STUM: variants seen among roughly 807,000 people sequenced by gnomAD.
The protein encoded by STUM is stum, mechanosensory transduction mediator homolog.
A neutral mutation model predicts 15.3 loss-of-function variants in STUM; 8 were observed. The observed-to-expected ratio is 0.52, with a 90% CI of 0.31 to 0.94. The LOEUF (loss-of-function observed/expected upper bound fraction) is 0.94. Ranked by LOEUF, STUM falls within the 40% of genes least tolerant of loss-of-function variation. STUM has a pLI of 0.05. For missense variants in STUM, 142 were observed against 204.9 expected (o/e 0.69, Z 1.87); for synonymous variants, 78 against 88.7 (o/e 0.88, Z 0.68).
At position 226,549,136 on chromosome 1, in the gene STUM, C is replaced by A; in HGVS notation, c.202+30C>A. The A allele has an allele frequency of 6.5e-7, 1 of 1,547,834 alleles. No individual in the cohort carries two copies. The highest frequency in any genetic ancestry group is 8.7e-7 in the Non-Finnish European group (1 of 1,145,094). ...GACACGGCTGCCGCGACCCTTGCGACCCCCACCCCGCCGCGGGAGGGCGTG... is the reference window on the plus strand; with the variant it reads ...GACACGGCTGCCGCGACCCTTGCGAACCCCACCCCGCCGCGGGAGGGCGTG... On this transcript the variant is annotated intron_variant, in intron 1 of 3. Coordinates refer to ENST00000366788, the MANE Select transcript of STUM (RefSeq NM_001003665.4). This position sits in a 1 kb window ranked among gnomAD's most constrained non-coding sequence, Gnocchi z 6.8.
chr1:226,583,394 T>C (rs563733433), intron 1 of STUM, among the ~76,000 whole-genome samples: 5 of 152,310 alleles, frequency 3.3e-5, no homozygotes, highest in African/African-American at 1.2e-4. Flanking sequence ...TGAGGAAATA[T>C]GGTAAAATGC....
intron 1 of STUM, among the ~76,000 whole-genome samples, chr1:226,592,155 CT>C (rs1243223366): frequency 6.6e-6 from 1 of 152,222 alleles, no homozygotes; most frequent in Non-Finnish European, 1.5e-5. Flanking sequence ...TCAAACGATT[CT>C]TCTGCCTCAG....
In STUM at chr1:226,600,679, G is replaced by T; in HGVS notation, c.391+5G>T. 1 of 1,610,830 alleles carries T rather than the reference G, an allele frequency of 6.2e-7. No individual in the cohort carries two copies. Among genetic ancestry groups the T allele is most frequent in the Non-Finnish European group, 8.5e-7 (1 of 1,180,012 alleles). On this transcript the variant is annotated splice_donor_5th_base_variant and intron_variant, in intron 3 of 3. Transcript: ENST00000366788. The surrounding 1 kb of genome is among the most constrained non-coding windows in gnomAD (Gnocchi z 5.2). Reference sequence around the variant, plus strand: ...GTGCTGCTGCAGTTTCCCAAGGTGAGTCTGCGGATGGACGTGCGGGCCTCG... The same window carrying T: ...GTGCTGCTGCAGTTTCCCAAGGTGATTCTGCGGATGGACGTGCGGGCCTCG...
In STUM at chr1:226,549,221, G is replaced by A; in HGVS notation, c.202+115G>A. The A allele has an allele frequency of 2.2e-6, 2 of 897,588 alleles. No individual in the cohort carries two copies. Among genetic ancestry groups the A allele is most frequent in the Non-Finnish European group, 3.3e-6 (2 of 610,308 alleles). 55.6% of individuals were successfully genotyped at this position (897,588 alleles called of 1,614,324 possible). A position where few individuals can be genotyped will look rare whatever the true frequency, so the allele number is the denominator to read the frequency against. ...CGGGGCCGCGCGCTCCAAGTGCTGC[G>A]ACCACGCGCCACCGCCCGCTCCTGG... On this transcript the variant is annotated intron_variant, in intron 1 of 3. Coordinates refer to ENST00000366788, the MANE Select transcript of STUM (RefSeq NM_001003665.4). The surrounding 1 kb of genome is among the most constrained non-coding windows in gnomAD (Gnocchi z 6.8).
At position 226,603,686 on chromosome 1, in the gene STUM, T is replaced by A. The variant is rs1668308515; in HGVS notation, c.*1646T>A. 6.6e-6 allele frequency: 1 copy of A among 152,282 alleles called. No homozygotes were observed. 9.4% of individuals were successfully genotyped at this position (152,282 alleles called of 1,614,324 possible). A position where few individuals can be genotyped will look rare whatever the true frequency, so the allele number is the denominator to read the frequency against. Reference sequence around the variant, plus strand: ...CATCCACCGGGCTTTCTAATCACAGTCCTGCCTGAGAAGCGGGCCCTGCTG... The same window carrying A: ...CATCCACCGGGCTTTCTAATCACAGACCTGCCTGAGAAGCGGGCCCTGCTG... On this transcript the variant is annotated 3_prime_UTR_variant, in exon 4 of 4. Transcript: ENST00000366788.
intron 1 of STUM, among the ~76,000 whole-genome samples, chr1:226,557,108 A>G (rs552435207): frequency 5.6e-4 from 85 of 152,304 alleles, no homozygotes; most frequent in African/African-American, 1.9e-3. Flanking sequence ...ATGATTTTGT[A>G]CCTTTTGACC....
chr1:226,571,141 G>A (rs1048806202), intron 1 of STUM, among the ~76,000 whole-genome samples: 2 of 152,180 alleles, frequency 1.3e-5, no homozygotes, highest in Non-Finnish European at 2.9e-5. Flanking sequence ...TGAGGCAGGA[G>A]ATTTGCTTGA....
intron 1 of STUM, among the ~76,000 whole-genome samples, chr1:226,566,812 A>G (rs1041692999): frequency 6.6e-6 from 1 of 152,230 alleles, no homozygotes; most frequent in Non-Finnish European, 1.5e-5. Context: ...TTAGATTTTT[A>G]TAAGTGGGTT....
At chr1:226,574,698 T>A (rs185693247) in intron 1 of STUM, among the ~76,000 whole-genome samples, 1 of 152,298 alleles carries the variant, frequency 6.6e-6, no homozygotes, top group East Asian at 1.9e-4. Flanking sequence ...TAGGCCAAAG[T>A]GACGGGTGAC....
chr1:226,564,904 G>A (rs897084772), intron 1 of STUM, among the ~76,000 whole-genome samples: 1 of 152,168 alleles, frequency 6.6e-6, no homozygotes. Flanking sequence ...CCTAGCAGAG[G>A]TGGGCAGGGG....
chr1:226,579,684 A>C (rs1261114525), intron 1 of STUM, among the ~76,000 whole-genome samples: 1 of 145,570 alleles, frequency 6.9e-6, no homozygotes, highest in Non-Finnish European at 1.5e-5. Context: ...GCTGGTGTGC[A>C]GTGGTGCAAT....
chr1:226,591,572 G>T (rs907249802), intron 1 of STUM, among the ~76,000 whole-genome samples: 1 of 151,924 alleles, frequency 6.6e-6, no homozygotes, highest in African/African-American at 2.4e-5. Flanking sequence ...GGCCTTCCCC[G>T]CTCCACCAAG....
intron 1 of STUM, among the ~76,000 whole-genome samples, chr1:226,595,137 G>A (rs1379076371): frequency 6.6e-6 from 1 of 152,258 alleles, no homozygotes; most frequent in Non-Finnish European, 1.5e-5. Flanking sequence ...CCCCCAGTTA[G>A]TCCTGAGAGG....
In STUM at chr1:226,600,777, G is replaced by C; in HGVS notation, c.391+103G>C. 7.9e-7 allele frequency: 1 copy of C among 1,260,006 alleles called. No individual in the cohort carries two copies. Among genetic ancestry groups the C allele is most frequent in the Non-Finnish European group, 1.1e-6 (1 of 870,702 alleles). 78.1% of individuals were successfully genotyped at this position (1,260,006 alleles called of 1,614,324 possible). ...CACAAACACCCCACCCACTCTCCCA[G>C]TGGGTCAATGGGCTTTTATGTTTAG... is the stretch of plus-strand genomic sequence containing the variant. On this transcript the variant is annotated intron_variant, in intron 3 of 3. Coordinates refer to ENST00000366788, the MANE Select transcript of STUM (RefSeq NM_001003665.4). The surrounding 1 kb of genome is among the most constrained non-coding windows in gnomAD (Gnocchi z 5.2).
chr1:226,588,357 G>A (rs1289372691), intron 1 of STUM, among the ~76,000 whole-genome samples: 1 of 152,208 alleles, frequency 6.6e-6, no homozygotes, highest in Non-Finnish European at 1.5e-5. Flanking sequence ...GCTCTGTTCT[G>A]GAGTGGCCGA....
At chr1:226,575,497 A>G (rs1667794828) in intron 1 of STUM, among the ~76,000 whole-genome samples, 2 of 152,212 alleles carry the variant, frequency 1.3e-5, no homozygotes, top group Admixed American at 6.5e-5. Flanking sequence ...GGCCAGGTCC[A>G]TGGACTGGGC....
At chr1:226,573,243 C>T (rs185199352) in intron 1 of STUM, among the ~76,000 whole-genome samples, 14 of 152,342 alleles carry the variant, frequency 9.2e-5, no homozygotes, top group Admixed American at 7.8e-4. Context: ...TTTTTTGCTT[C>T]AGGTTTGATG....
intron 1 of STUM, among the ~76,000 whole-genome samples, chr1:226,576,727 G>A (rs1001072159): frequency 2.4e-4 from 37 of 152,196 alleles, no homozygotes; most frequent in African/African-American, 8.7e-4. Flanking sequence ...AACATGAGCT[G>A]CCCACTCCCC....
intron 1 of STUM, among the ~76,000 whole-genome samples, chr1:226,588,345 G>C (rs909508325): frequency 6.6e-6 from 1 of 152,198 alleles, no homozygotes; most frequent in Admixed American, 6.5e-5. Context: ...TGGTCTTCTT[G>C]TGCTCTGTTC....
Sources: allele counts gnomAD v4.1 joint callset (sites outside exome capture counted in the v4.1 genomes callset), GRCh38; gene constraint gnomAD v4.1.1; non-coding constraint Gnocchi (gnomAD v3.1); transcripts MANE v1.5; gene names NCBI Gene and HGNC (gene_info 2026-07-23, HGNC 2026-07-21).